FBN2: variants seen among roughly 807,000 people sequenced by gnomAD.
The protein encoded by FBN2 is fibrillin 2, also known as fibrillin-2.
FBN2 carries 105 observed loss-of-function variants against 355.6 expected under a neutral mutation model. That is an observed-to-expected ratio of 0.30 (90% confidence interval 0.25 to 0.35). The LOEUF (loss-of-function observed/expected upper bound fraction) is 0.35, where lower values mean the gene tolerates loss of function less well. Among genes scored for constraint, FBN2 ranks in the 10% least tolerant of loss-of-function variants. The pLI is 1.00. For synonymous variants in FBN2, 1,350 were observed against 1,301.2 expected (o/e 1.04, Z -0.81); for missense variants, 3,280 against 3,758.7 (o/e 0.87, Z 3.33).
intron 7 of FBN2, among the ~76,000 whole-genome samples, chr5:128,442,617 G>A (rs1753951324): frequency 6.6e-6 from 1 of 152,136 alleles, no homozygotes; most frequent in Non-Finnish European, 1.5e-5. Flanking sequence ...TAGGAAATTA[G>A]ATTTGGGAAC....
chr5:128,274,633 T>C lies in FBN2; in HGVS notation c.7645A>G (p.Asn2549Asp). The change falls in exon 60 of 65, where the codon AAC (asparagine) becomes GAC (aspartate). Residue 2549 changes from asparagine (N) to aspartate (D), a missense_variant. By Grantham distance (23) the Asn-to-Asp change is conservative. This residue lies in a region of FBN2 where 2,284 missense variants were observed against 2,749.5 expected (regional missense o/e 0.83). Coordinates refer to ENST00000262464, the MANE Select transcript of FBN2 (RefSeq NM_001999.4). ...KQHNCQFLCV[N>D]TLGGFTCKCP... is the part of the protein sequence containing the mutation. ...TTACAGGTAAACCCCCCCAGGGTGTTGACACAGAGGAACTGGCAGTTATGC... is the reference window on the plus strand; with the variant it reads ...TTACAGGTAAACCCCCCCAGGGTGTCGACACAGAGGAACTGGCAGTTATGC... 6.2e-7 allele frequency: 1 copy of C among 1,613,614 alleles called. No homozygotes were observed. The highest frequency in any genetic ancestry group is 8.5e-7 in the Non-Finnish European group (1 of 1,179,566).
chr5:128,279,044 A>T (rs1418508745), intron 56 of FBN2, among the ~76,000 whole-genome samples: 1 of 152,230 alleles, frequency 6.6e-6, no homozygotes, highest in East Asian at 1.9e-4. Flanking sequence ...TTTGACAAAA[A>T]GTGATACTAT....
chr5:128,404,369 T>C (rs1192360947), intron 8 of FBN2, among the ~76,000 whole-genome samples: 3 of 152,240 alleles, frequency 2.0e-5, no homozygotes, highest in Non-Finnish European at 2.9e-5. Flanking sequence ...AGAGCCATTC[T>C]CCCTTCCCTA....
chr5:128,317,596 T>C (rs1269630790), intron 36 of FBN2, among the ~76,000 whole-genome samples: 1 of 152,078 alleles, frequency 6.6e-6, no homozygotes. Flanking sequence ...TCTAGGAAAA[T>C]ACAGTAACAG....
intron 11 of FBN2, among the ~76,000 whole-genome samples, chr5:128,384,882 A>G (rs1369043239): frequency 6.6e-6 from 1 of 152,060 alleles, no homozygotes; most frequent in Non-Finnish European, 1.5e-5. Context: ...ATCATGACCA[A>G]CTTCTTTAAG....
chr5:128,341,793 T>C (rs1418306743), intron 25 of FBN2, among the ~76,000 whole-genome samples: 2 of 152,234 alleles, frequency 1.3e-5, no homozygotes, highest in South Asian at 2.1e-4. Context: ...CTGAATGCTC[T>C]TCTCTGCCTT....
intron 11 of FBN2, among the ~76,000 whole-genome samples, chr5:128,385,725 A>G (rs1752350244): frequency 6.6e-6 from 1 of 152,038 alleles, no homozygotes; most frequent in Non-Finnish European, 1.5e-5. Context: ...TTTTAATAAC[A>G]GCCATTTTGA....
chr5:128,430,052 CT>C (rs1459777805), intron 7 of FBN2, among the ~76,000 whole-genome samples: 2 of 151,994 alleles, frequency 1.3e-5, no homozygotes, highest in Admixed American at 1.3e-4. Flanking sequence ...CTTGCATTTC[CT>C]TTCCTGTGAG....
intron 20 of FBN2, 151 bp from the exon 21 acceptor site, chr5:128,351,156 A>C: frequency 1.1e-6 from 1 of 937,478 alleles, no homozygotes; most frequent in South Asian, 1.4e-5. Context: ...GCTGAGGAGG[A>C]AGGATCATTT....
At chr5:128,517,397 T>C (rs557766964) in intron 5 of FBN2, among the ~76,000 whole-genome samples, 1 of 152,304 alleles carries the variant, frequency 6.6e-6, no homozygotes, top group South Asian at 2.1e-4. Context: ...CTTAGCGTTA[T>C]CTAAGAAATG....
At chr5:128,365,006 A>G (rs987302854) in intron 17 of FBN2, among the ~76,000 whole-genome samples, 1 of 152,210 alleles carries the variant, frequency 6.6e-6, no homozygotes, top group Non-Finnish European at 1.5e-5. Context: ...GATGACATTA[A>G]TAAAGACAAT....
chr5:128,317,767 C>G (rs969309046), intron 36 of FBN2, among the ~76,000 whole-genome samples: 5 of 152,198 alleles, frequency 3.3e-5, no homozygotes, highest in African/African-American at 1.2e-4. Flanking sequence ...CCTTGCTTCT[C>G]ATCACTTCAT....
At chr5:128,287,886 CTA>C (rs35426975) in intron 53 of FBN2, among the ~76,000 whole-genome samples, 11,940 of 152,088 alleles carry the variant, frequency 0.079, 617 homozygotes, top group Non-Finnish European at 0.11. Context: ...AGGAGAAATA[CTA>C]TTTGTTTTTC....
At chr5:128,430,483 A>G (rs1262669509) in intron 7 of FBN2, among the ~76,000 whole-genome samples, 1 of 152,198 alleles carries the variant, frequency 6.6e-6, no homozygotes, top group Non-Finnish European at 1.5e-5. Flanking sequence ...TCTAAAACAG[A>G]ACCTATTTAT....
At chr5:128,495,036 C>A (rs560066891) in intron 5 of FBN2, among the ~76,000 whole-genome samples, 13 of 151,920 alleles carry the variant, frequency 8.6e-5, no homozygotes, top group African/African-American at 3.1e-4. Context: ...GGAAGCCATG[C>A]TGAAAAAACA....
chr5:128,414,879 T>C (rs895401644), intron 7 of FBN2, among the ~76,000 whole-genome samples: 1 of 152,178 alleles, frequency 6.6e-6, no homozygotes, highest in African/African-American at 2.4e-5. Flanking sequence ...TGATTAATAA[T>C]GATGAGCATA....
Position 128,277,881 on chromosome 5 carries a change from T to C in FBN2, c.7470A>G (p.Ile2490Met). Residue 2490 changes from isoleucine (I) to methionine (M), a missense_variant and splice_region_variant, in exon 58 of 65, where the codon ATA becomes ATG. Around this residue, in one of 6 missense-constraint regions of FBN2, gnomAD observed 2,284 missense variants for 2,749.5 expected, o/e 0.83. Transcript: ENST00000262464. ...YTTDISGTSC[I>M]DLDECSQSPK... Reference sequence around the variant, plus strand: ...GGATATAGAGGTGCCCATCGTTACCTATACAAGAGGTTCCACTGATGTCTG... The same window carrying C: ...GGATATAGAGGTGCCCATCGTTACCCATACAAGAGGTTCCACTGATGTCTG... 6.2e-7 allele frequency: 1 copy of C among 1,614,144 alleles called. No individual in the cohort carries two copies. Among genetic ancestry groups the C allele is most frequent in the South Asian group, 1.1e-5 (1 of 91,080 alleles).
rs199897237 is a variant in FBN2 at position 128,361,704 on chromosome 5, C to T, written c.2554+19G>A. The T allele has an allele frequency of 1.8e-5, 29 of 1,613,814 alleles. No individual in the cohort carries two copies. The highest frequency in any genetic ancestry group is 2.7e-5 in the African/African-American group (2 of 74,918). ...AGGTACTCACTATGCACAAATAAGG[C>T]GATGAAGACAGCTCTTACCTTCACA... On this transcript the variant is annotated intron_variant, in intron 19 of 64. Transcript: ENST00000262464.
intron 25 of FBN2, chr5:128,339,336 AG>A: frequency 2.5e-6 from 1 of 398,010 alleles, no homozygotes; most frequent in Admixed American, 3.6e-5. Context: ...GTAACAGAAA[AG>A]GGGGGCATGG....
Sources: gnomAD v4.1 joint callset for allele counts (sites outside exome capture counted in the v4.1 genomes callset) on GRCh38, gnomAD v4.1.1 for gene constraint, gnomAD v4.1.1 regional missense constraint, MANE v1.5 for transcripts, NCBI Gene and HGNC (gene_info 2026-07-23, HGNC 2026-07-21) for gene names.